The following TBL1X variants were observed in gnomAD, a reference collection of about 807,000 sequenced individuals.
TBL1X encodes F-box-like/WD repeat-containing protein TBL1X.
In TBL1X, 10 loss-of-function variants were observed where a neutral mutation model predicts 50.7. The ratio of observed to expected loss-of-function variants is 0.20; its 90% confidence interval spans 0.12 to 0.33. The LOEUF is 0.33. TBL1X is among the 10% of genes least tolerant of loss of function. TBL1X has a pLI of 1.00. For missense variants in TBL1X, 340 were observed against 504.4 expected, an observed-to-expected ratio of 0.67 and a Z score of 3.12; for synonymous variants, 190 against 214.7, an observed-to-expected ratio of 0.88 and a Z score of 1.01.
At chrX:9,512,528 G>A (rs1374385400) in intron 2 of TBL1X, among the ~76,000 whole-genome samples, 1 of 108,287 alleles carries the variant, frequency 9.2e-6, no homozygotes, top group African/African-American at 3.4e-5. Context: ...TTTTTTGGGA[G>A]ATGGAGTCTC....
chrX:9,485,786 C>T (rs2081908640), intron 1 of TBL1X, among the ~76,000 whole-genome samples: 1 of 112,248 alleles, frequency 8.9e-6, no homozygotes, highest in Admixed American at 9.4e-5. Context: ...CCAAAATCAA[C>T]CAGTCTCAAA....
At chrX:9,574,537 C>G (rs1478839733) in intron 2 of TBL1X, among the ~76,000 whole-genome samples, 1 of 109,526 alleles carries the variant, frequency 9.1e-6, no homozygotes, top group Non-Finnish European at 1.9e-5. Flanking sequence ...TTTACCTTCC[C>G]GAACCTTTGC....
chrX:9,531,930 C>T (rs2082164299), intron 2 of TBL1X, among the ~76,000 whole-genome samples: 1 of 110,750 alleles, frequency 9.0e-6, no homozygotes, highest in African/African-American at 3.3e-5. Flanking sequence ...GGTGGGGTTT[C>T]GCCATGTTGG....
intron 12 of TBL1X, among the ~76,000 whole-genome samples, chrX:9,701,679 C>T (rs1006496352): frequency 3.6e-5 from 4 of 109,683 alleles, no homozygotes; most frequent in African/African-American, 1.3e-4. Flanking sequence ...CATCCTGGAC[C>T]GCGGGTTGAA....
At chrX:9,553,433 A>G (rs1303145197) in intron 2 of TBL1X, among the ~76,000 whole-genome samples, 2 of 112,106 alleles carry the variant, frequency 1.8e-5, no homozygotes, top group Non-Finnish European at 3.8e-5. Context: ...TCGAGAACCT[A>G]AGAGAGTGTG....
chrX:9,613,599 A>C (rs904459700), intron 2 of TBL1X, among the ~76,000 whole-genome samples: 2 of 111,984 alleles, frequency 1.8e-5, no homozygotes, highest in Admixed American at 9.5e-5. Flanking sequence ...AGTAGGAAAA[A>C]GGAACGTAAA....
intron 6 of TBL1X, among the ~76,000 whole-genome samples, chrX:9,686,385 C>T (rs2146631516): frequency 8.9e-6 from 1 of 112,362 alleles, no homozygotes; most frequent in South Asian, 3.7e-4. Context: ...TCCCATTTGT[C>T]ACAATGGTTT....
At chrX:9,653,759 T>C in intron 4 of TBL1X, 70 bp downstream of exon 4, 1 of 970,256 alleles carries the variant, frequency 1.0e-6, no homozygotes. Flanking sequence ...GCCGCGGGTG[T>C]ACTCGGTCAC....
chrX:9,660,916 G>C (rs1377000345), intron 5 of TBL1X, among the ~76,000 whole-genome samples: 1 of 112,252 alleles, frequency 8.9e-6, no homozygotes, highest in East Asian at 2.8e-4. Flanking sequence ...TTTGGGGGTG[G>C]GGCCTTTAGG....
At chrX:9,663,901 G>A (rs992429685) in intron 5 of TBL1X, among the ~76,000 whole-genome samples, 1 of 111,203 alleles carries the variant, frequency 9.0e-6, no homozygotes, top group African/African-American at 3.3e-5. Context: ...GAGCACGTGC[G>A]TACAAAGGAA....
chrX:9,583,059 C>T (rs1316027853), intron 2 of TBL1X, among the ~76,000 whole-genome samples: 3 of 112,628 alleles, frequency 2.7e-5, no homozygotes, highest in East Asian at 5.6e-4. Context: ...TTTGCCTTAA[C>T]GAAAAGACCA....
chrX:9,574,171 T>G (rs1393402013), intron 2 of TBL1X, among the ~76,000 whole-genome samples: 2 of 110,280 alleles, frequency 1.8e-5, no homozygotes, highest in Non-Finnish European at 3.8e-5. Context: ...ACCACAAAAT[T>G]TGCTTGCTGT....
intron 3 of TBL1X, among the ~76,000 whole-genome samples, chrX:9,643,460 G>A (rs2082786510): frequency 9.0e-6 from 1 of 111,562 alleles, no homozygotes; most frequent in Non-Finnish European, 1.9e-5. Context: ...ATAAGTGTAA[G>A]GATGGTTGGA....
chrX:9,513,931 TA>T (rs2082069139), intron 2 of TBL1X, among the ~76,000 whole-genome samples: 2 of 108,779 alleles, frequency 1.8e-5, no homozygotes, highest in South Asian at 8.1e-4. Context: ...GAGGGAAGGC[TA>T]GGCTCTTTTA....
intron 2 of TBL1X, among the ~76,000 whole-genome samples, chrX:9,554,335 A>G (rs976563480): frequency 3.5e-5 from 4 of 112,731 alleles, no homozygotes; most frequent in Non-Finnish European, 7.5e-5. Flanking sequence ...GAATAAGCAG[A>G]TACTCTAGCA....
At chrX:9,579,367 T>G (rs930268580) in intron 2 of TBL1X, among the ~76,000 whole-genome samples, 1 of 112,326 alleles carries the variant, frequency 8.9e-6, no homozygotes, top group Admixed American at 9.4e-5. Context: ...GCACAGTTTC[T>G]ATGATTTCAA....
chrX:9,525,477 A>G (rs773705290), intron 2 of TBL1X, among the ~76,000 whole-genome samples: 1 of 112,498 alleles, frequency 8.9e-6, no homozygotes, highest in South Asian at 3.7e-4. Context: ...GGAGCCACAT[A>G]TTAAGATGTT....
intron 12 of TBL1X, among the ~76,000 whole-genome samples, chrX:9,699,686 G>A (rs751738657): frequency 2.7e-5 from 3 of 111,602 alleles, no homozygotes; most frequent in African/African-American, 6.5e-5. Flanking sequence ...GTCGAGGCAC[G>A]ATTGTGTTAG....
In TBL1X at chrX:9,673,541, G is replaced by A. The variant is rs749900748; in HGVS notation, c.212-10502G>A. Among the ~76,000 whole-genome samples the A allele has an allele frequency of 6.3e-5, 7 of 111,931 alleles. No individual in the cohort carries two copies. The East Asian group carries it at 2.0e-3, about 31-fold the overall frequency. ...CACTTCAAGGAGGTCATACAGCTGG[G>A]ATTCAGAACACCATCCATCTGGCTT... On this transcript the variant is annotated intron_variant, in intron 5 of 17. Transcript: ENST00000645353.
Sources: gnomAD v4.1 joint callset for allele counts (sites outside exome capture counted in the v4.1 genomes callset) on GRCh38, gnomAD v4.1.1 for gene constraint, MANE v1.5 for transcripts, NCBI Gene and HGNC (gene_info 2026-07-23, HGNC 2026-07-21) for gene names.